PSMG4: variants seen among roughly 807,000 people sequenced by gnomAD.
PSMG4 encodes proteasome (prosome, macropain) assembly chaperone 4.
A neutral mutation model predicts 11.0 loss-of-function variants in PSMG4; 10 were observed. The ratio of observed to expected loss-of-function variants is 0.91; its 90% CI spans 0.56 to 1.54. The LOEUF is 1.54. Among genes scored for constraint, PSMG4 ranks in the 40% most tolerant of loss-of-function variants. PSMG4 has a pLI of 0.00. For missense variants in PSMG4, 198 were observed against 160.9 expected (o/e 1.23, Z -1.25); for synonymous variants, 95 against 71.3 (o/e 1.33, Z -1.68).
chr6:3,255,024 A>G (rs1257662252), upstream of PSMG4: 28 of 1,548,720 alleles, frequency 1.8e-5, no homozygotes, highest in Non-Finnish European at 2.4e-5. Flanking sequence ...GCGCTGGGAT[A>G]ATGGCGCTTT....
At chr6:3,255,147 G>T (rs577943494), upstream of PSMG4, 19 of 1,550,916 alleles carry the variant, frequency 1.2e-5, no homozygotes, top group Non-Finnish European at 1.6e-5. Flanking sequence ...TTCTCTTTGA[G>T]GAGCAGGGCC....
intron 2 of PSMG4, chr6:3,264,476 G>C: frequency 7.3e-7 from 1 of 1,374,114 alleles, no homozygotes; most frequent in Non-Finnish European, 9.6e-7. Flanking sequence ...ACAGGACCTG[G>C]TACCTGACAA....
upstream of PSMG4, among the ~76,000 whole-genome samples, chr6:3,256,468 C>T (rs1046248555): frequency 2.6e-5 from 4 of 152,204 alleles, no homozygotes; most frequent in African/African-American, 4.8e-5. Flanking sequence ...TCAAATGTTG[C>T]ATCTTCCTCC....
chr6:3,262,789 A>C (rs1255409011), intron 1 of PSMG4, among the ~76,000 whole-genome samples: 1 of 38,976 alleles, frequency 2.6e-5, no homozygotes, highest in East Asian at 4.0e-4. Flanking sequence ...ATTACCAATA[A>C]GTGTTTTTTT....
At chr6:3,263,412 A>T (rs1330797795) in intron 1 of PSMG4, among the ~76,000 whole-genome samples, 1 of 152,256 alleles carries the variant, frequency 6.6e-6, no homozygotes, top group African/African-American at 2.4e-5. Flanking sequence ...TTGAGACACT[A>T]AAACGAGCCT....
chr6:3,262,301 T>C (rs1463441452), intron 1 of PSMG4, among the ~76,000 whole-genome samples: 3 of 152,226 alleles, frequency 2.0e-5, no homozygotes, highest in Non-Finnish European at 4.4e-5. Flanking sequence ...GATGGGGCTT[T>C]ACATTTAACT....
chr6:3,255,466 T>TCCCC (rs1196079002), upstream of PSMG4, among the ~76,000 whole-genome samples: 2 of 151,992 alleles, frequency 1.3e-5, no homozygotes, highest in Admixed American at 1.3e-4. Context: ...TCTTTTATCT[T>TCCCC]CCCGTCTTTC....
At chr6:3,260,309 T>TTG (rs1757942138) in intron 1 of PSMG4, among the ~76,000 whole-genome samples, 2 of 140,370 alleles carry the variant, frequency 1.4e-5, no homozygotes, top group African/African-American at 5.5e-5. Context: ...TTTTTTTTTT[T>TTG]GAAGCAAAGT....
chr6:3,264,451 C>T (rs539549083), intron 2 of PSMG4: 2 of 1,435,856 alleles, frequency 1.4e-6, no homozygotes, highest in Non-Finnish European at 1.8e-6. Context: ...CTGGAGTCTT[C>T]TCTGTGTCTC....
At chr6:3,254,448 C>T (rs72847860), upstream of PSMG4, among the ~76,000 whole-genome samples, 3,608 of 75,042 alleles carry the variant, frequency 0.048, 68 homozygotes, top group Non-Finnish European at 0.09. Context: ...TAATAGTTTT[C>T]TGCTTTTTTT....
chr6:3,264,822 A>G (rs560061937), intron 2 of PSMG4: 1 of 156,688 alleles, frequency 6.4e-6, no homozygotes, highest in Non-Finnish European at 1.4e-5. Context: ...TTGTGTTTGT[A>G]TCTTTTTTTT....
chr6:3,259,836 C>T (rs967539938), intron 1 of PSMG4, among the ~76,000 whole-genome samples: 2 of 152,226 alleles, frequency 1.3e-5, no homozygotes, highest in Non-Finnish European at 2.9e-5. Context: ...ATTTCCCCTC[C>T]TCTCCCGCCT....
At chr6:3,264,313 T>C (rs1299393219) in intron 2 of PSMG4, 1 of 1,550,704 alleles carries the variant, frequency 6.4e-7, no homozygotes. Flanking sequence ...CCAACACACT[T>C]CCTGTGGGCC....
chr6:3,258,906 C>T (rs1298249282), upstream of PSMG4: 2 of 1,053,682 alleles, frequency 1.9e-6, no homozygotes, highest in East Asian at 3.2e-5. Context: ...CCCCGCCCTT[C>T]CGGGGCCGAA....
chr6:3,259,670 C>T (rs898594169), intron 1 of PSMG4, among the ~76,000 whole-genome samples: 4 of 152,250 alleles, frequency 2.6e-5, no homozygotes, highest in East Asian at 1.9e-4. Flanking sequence ...CTCCATCTTC[C>T]TGGCTGTGCG....
upstream of PSMG4, chr6:3,255,033 TTC>T (rs775113536): frequency 2.2e-5 from 34 of 1,549,566 alleles, no homozygotes; most frequent in East Asian, 2.2e-4. Flanking sequence ...TAATGGCGCT[TTC>T]TGATTCTCTG....
chr6:3,255,122 A>AC (rs952098655), upstream of PSMG4: 5 of 1,551,052 alleles, frequency 3.2e-6, no homozygotes, highest in Non-Finnish European at 4.4e-6. Context: ...TCACCAGCTT[A>AC]CCACGTATTG....
At chr6:3,255,012 G>A (rs532721324), upstream of PSMG4, 2 of 1,544,622 alleles carry the variant, frequency 1.3e-6, no homozygotes, top group African/African-American at 2.7e-5. Flanking sequence ...TCCCATGTGG[G>A]AGCGCTGGGA....
At chr6:3,255,300 G>A (rs540174871), upstream of PSMG4, 87 of 1,522,316 alleles carry the variant, frequency 5.7e-5, no homozygotes, top group East Asian at 6.4e-4. Flanking sequence ...CCCATCCTGG[G>A]AGAGTGGTGG....
Sources: allele counts gnomAD v4.1 joint callset (sites outside exome capture counted in the v4.1 genomes callset), GRCh38; gene constraint gnomAD v4.1.1; transcripts MANE v1.5; gene names NCBI Gene and HGNC (gene_info 2026-07-23, HGNC 2026-07-21).